Variants in NFILZ observed in about 807,000 individuals in gnomAD.
The protein encoded by NFILZ is NFIL3 like basic leucine zipper.
At chr19:8,653,011 C>CCTTCCTTCCTTT (rs2042974052) in intron 3 of NFILZ, among the ~76,000 whole-genome samples, 2 of 52,872 alleles carry the variant, frequency 3.8e-5, no homozygotes, top group African/African-American at 1.6e-4. Context: ...TTCCTTCCTT[C>CCTTCCTTCCTTT]CTTTCTTTCT....
At chr19:8,648,016 C>CAA (rs1318194204) in intron 3 of NFILZ, among the ~76,000 whole-genome samples, 4 of 150,302 alleles carry the variant, frequency 2.7e-5, no homozygotes, top group African/African-American at 9.8e-5. Flanking sequence ...ACTAAAAATA[C>CAA]AAAAAAAATT....
intron 2 of NFILZ, among the ~76,000 whole-genome samples, chr19:8,635,309 C>G (rs575022880): frequency 1.5e-5 from 1 of 65,776 alleles, no homozygotes; most frequent in Non-Finnish European, 3.1e-5. Context: ...GACTCCATCT[C>G]AAAAAAAAAA....
intron 2 of NFILZ, among the ~76,000 whole-genome samples, chr19:8,633,171 C>T (rs1046053403): frequency 3.9e-5 from 6 of 152,030 alleles, no homozygotes; most frequent in African/African-American, 1.4e-4. Flanking sequence ...CAGATGTGCA[C>T]CACCATGCCC....
intron 3 of NFILZ, among the ~76,000 whole-genome samples, chr19:8,644,479 T>C (rs962179458): frequency 6.6e-6 from 1 of 151,596 alleles, no homozygotes; most frequent in African/African-American, 2.4e-5. Flanking sequence ...AAAGTCAGTC[T>C]ATGCTATGAC....
rs1462433340 is a variant in NFILZ at position 8,678,124 on chromosome 19, T to C, written c.*489T>C. On this transcript the variant is annotated 3_prime_UTR_variant, in exon 6 of 6. Transcript: ENST00000691075. ...ATCCATCCATCCATCCATCCATCCA[T>C]CCCTCCATCCATTCATCCACTTGTC... Among the ~76,000 whole-genome samples the C allele has an allele frequency of 1.2e-4, 15 of 125,544 alleles. No homozygotes were observed. The highest frequency in any genetic ancestry group is 2.4e-4 in the Admixed American group (3 of 12,474). 82.4% of individuals were successfully genotyped at this position (125,544 alleles called of 152,430 possible). A position where few individuals can be genotyped will look rare whatever the true frequency, so the allele number is the denominator to read the frequency against.
At chr19:8,661,264 G>A (rs772483871) in intron 3 of NFILZ, among the ~76,000 whole-genome samples, 52 of 151,050 alleles carry the variant, frequency 3.4e-4, no homozygotes, top group Non-Finnish European at 6.2e-4. Context: ...CTGGGTTCAA[G>A]CAATCCTCCC....
chr19:8,649,468 T>C (rs1384444383), intron 3 of NFILZ, among the ~76,000 whole-genome samples: 2 of 150,420 alleles, frequency 1.3e-5, no homozygotes, highest in Non-Finnish European at 3.0e-5. Context: ...GATTTTGCCA[T>C]GTTGGCCAGG....
chr19:8,668,248 G>A (rs955294585), intron 3 of NFILZ, among the ~76,000 whole-genome samples: 2 of 143,730 alleles, frequency 1.4e-5, no homozygotes, highest in African/African-American at 5.1e-5. Context: ...ACTGTGCCCG[G>A]CATATACATA....
chr19:8,663,310 A>G (rs2043040442), intron 3 of NFILZ, among the ~76,000 whole-genome samples: 1 of 151,372 alleles, frequency 6.6e-6, no homozygotes, highest in South Asian at 2.1e-4. Context: ...TTGGGCTCAG[A>G]TTTGGGGGTG....
In NFILZ at chr19:8,639,540, A is replaced by G. The variant is rs145254655; in HGVS notation, c.-164+3794A>G. Among the ~76,000 whole-genome samples the G allele has an allele frequency of 4.5e-3, 690 of 151,996 alleles. 3 individuals are homozygous for G. The highest frequency in any genetic ancestry group is 6.3e-3 in the Non-Finnish European group (425 of 67,986). ...CAGGAGTTTGAGGCTGTAGTGAGCT[A>G]TGATCGCACCACAGCAATACAGCCT... On this transcript the variant is annotated intron_variant, in intron 3 of 5. Transcript: ENST00000691075.
At chr19:8,639,009 A>AT (rs1460851702) in intron 3 of NFILZ, among the ~76,000 whole-genome samples, 35 of 151,720 alleles carry the variant, frequency 2.3e-4, no homozygotes, top group Non-Finnish European at 4.1e-4. Flanking sequence ...TGCCCAGCTA[A>AT]TTTTTTGTAT....
intron 3 of NFILZ, among the ~76,000 whole-genome samples, chr19:8,644,419 T>C (rs1555746900): frequency 1.3e-5 from 2 of 152,076 alleles, no homozygotes. Context: ...AACTTGTACA[T>C]GTATTTCAAC....
At chr19:8,663,752 G>GTGTGTGTGTGTGTGTGTGTATGTGTGTA (rs2043047478) in intron 3 of NFILZ, among the ~76,000 whole-genome samples, 1 of 127,824 alleles carries the variant, frequency 7.8e-6, no homozygotes, top group South Asian at 2.7e-4. Context: ...GTGTGTGTGT[G>GTGTGTGTGTGTGTGTGTGTATGTGTGTA]TGTGTGTGTG....
intron 3 of NFILZ, among the ~76,000 whole-genome samples, chr19:8,640,316 G>GTTTTTTTTTTTTTTTTTTTTTTTTTTT (rs71179871): frequency 1.6e-5 from 2 of 124,238 alleles, no homozygotes; most frequent in Non-Finnish European, 1.7e-5. Flanking sequence ...TCCTGCTGTA[G>GTTTTTTTTTTTTTTTTTTTTTTTTTTT]TTTTTTTTTT....
At chr19:8,665,622 T>C (rs2043058521) in intron 3 of NFILZ, among the ~76,000 whole-genome samples, 2 of 152,202 alleles carry the variant, frequency 1.3e-5, no homozygotes, top group Admixed American at 6.5e-5. Flanking sequence ...ATTACAGGCA[T>C]GAGCCTTCAT....
At chr19:8,644,966 T>C (rs923028406) in intron 3 of NFILZ, among the ~76,000 whole-genome samples, 4 of 151,912 alleles carry the variant, frequency 2.6e-5, no homozygotes, top group Non-Finnish European at 5.9e-5. Flanking sequence ...GGTTTCGCCA[T>C]GTTGGTCAGG....
At position 8,635,164 on chromosome 19, in the gene NFILZ, G is replaced by T. The variant is rs539510655; in HGVS notation, c.-260-486G>T. On this transcript the variant is annotated intron_variant, in intron 2 of 5. Coordinates refer to ENST00000691075, the MANE Select transcript of NFILZ (RefSeq NM_001378600.1). ...GTCTCTACTAAAAATACAAAAATTA[G>T]CCGGGCATGGTGGTGGGCACCTGTA... 5.3e-5 allele frequency among the ~76,000 whole-genome samples: 8 copies of T among 151,780 alleles called. No homozygotes were observed. In the East Asian group the frequency reaches 1.6e-3, roughly 29 times the overall value.
intron 3 of NFILZ, among the ~76,000 whole-genome samples, chr19:8,651,461 C>A (rs781981313): frequency 2.0e-5 from 3 of 152,122 alleles, no homozygotes; most frequent in African/African-American, 4.8e-5. Flanking sequence ...TGCGCCCGAC[C>A]TTCAATAAGT....
At chr19:8,656,495 CCCGCAGCCCACCTTCT>C (rs2043003537) in intron 3 of NFILZ, among the ~76,000 whole-genome samples, 2 of 104,528 alleles carry the variant, frequency 1.9e-5, no homozygotes, top group Admixed American at 9.3e-5. Context: ...CCCACCTTCT[CCCGCAGCCCACCTTCT>C]CCTGCAGCCC....
Sources: gnomAD v4.1 joint callset for allele counts (sites outside exome capture counted in the v4.1 genomes callset) on GRCh38, gnomAD v4.1.1 for gene constraint, MANE v1.5 for transcripts, NCBI Gene and HGNC (gene_info 2026-07-23, HGNC 2026-07-21) for gene names.